The following RBPJ variants were observed in gnomAD, a reference collection of about 807,000 sequenced individuals.
The protein encoded by RBPJ is recombination signal binding protein for immunoglobulin kappa J region, also known as recombining binding protein suppressor of hairless.
In RBPJ, 9 loss-of-function variants were observed where a neutral mutation model predicts 67.8. That is an observed-to-expected ratio of 0.13 (90% CI 0.08 to 0.23). The LOEUF is 0.23. Among genes scored for constraint, RBPJ ranks in the 10% least tolerant of loss-of-function variants. The pLI, the probability that RBPJ is intolerant of heterozygous loss-of-function variation, is 1.00. For missense variants in RBPJ, 305 were observed against 595.6 expected (o/e 0.51, Z 5.08); for synonymous variants, 198 against 203.3 (o/e 0.97, Z 0.22).
intron 1 of RBPJ, among the ~76,000 whole-genome samples, chr4:26,337,376 C>T (rs1222358035): frequency 1.3e-5 from 2 of 152,084 alleles, no homozygotes; most frequent in Admixed American, 1.3e-4. Flanking sequence ...TCTGTTGGTC[C>T]TCCTTTCCTC....
At chr4:26,208,413 A>C (rs961724624) in intron 1 of RBPJ, among the ~76,000 whole-genome samples, 1 of 151,072 alleles carries the variant, frequency 6.6e-6, no homozygotes, top group African/African-American at 2.5e-5. Flanking sequence ...GCAGAAGAGA[A>C]GGCTGATCCA....
intron 2 of RBPJ, among the ~76,000 whole-genome samples, chr4:26,392,921 G>T (rs1322725710): frequency 6.6e-6 from 1 of 152,084 alleles, no homozygotes; most frequent in East Asian, 1.9e-4. Flanking sequence ...GGTAAGTTTT[G>T]TTTATTTTTT....
chr4:26,242,223 G>A (rs1182538172), intron 1 of RBPJ, among the ~76,000 whole-genome samples: 5 of 152,000 alleles, frequency 3.3e-5, no homozygotes, highest in East Asian at 1.9e-4. Context: ...CGAGGCGGGC[G>A]GATCACGAGG....
intron 1 of RBPJ, among the ~76,000 whole-genome samples, chr4:26,166,551 T>C (rs1426585787): frequency 6.6e-5 from 10 of 151,600 alleles, no homozygotes; most frequent in Non-Finnish European, 1.3e-4. Context: ...CTTTGCCCAC[T>C]TTTTGATGGG....
At chr4:26,239,623 ACATTTTCAGAGCAGT>A (rs975567477) in intron 1 of RBPJ, among the ~76,000 whole-genome samples, 2 of 152,134 alleles carry the variant, frequency 1.3e-5, no homozygotes, top group Admixed American at 1.3e-4. Context: ...ATCCCAGGAT[ACATTTTCAGAGCAGT>A]CATGGTGTAG....
the RBPJ span, among the ~76,000 whole-genome samples, chr4:26,121,744 C>T: frequency 6.6e-6 from 1 of 152,066 alleles, no homozygotes; most frequent in African/African-American, 2.4e-5. Context: ...AGTAATTTAA[C>T]AATAATCAAG....
At position 26,228,856 on chromosome 4, in the gene RBPJ, G is replaced by C. The variant is rs143592981; in HGVS notation, c.-167+65242G>C. On this transcript the variant is annotated intron_variant, in intron 1 of 4. Coordinates refer to the RBPJ transcript ENST00000512351. The stretch of plus-strand genomic sequence containing the variant: ...ACTTGGACCTGCAGAGCTTGGTACA[G>C]AAACTCTCTGTTACCTTTATGTTTT... Among the ~76,000 whole-genome samples the C allele has an allele frequency of 2.6e-4, 39 of 152,314 alleles. 1 individual carries two copies. The highest frequency in any genetic ancestry group is 1.9e-3 in the East Asian group (10 of 5,188).
intron 2 of RBPJ, among the ~76,000 whole-genome samples, chr4:26,402,681 T>C (rs1044061676): frequency 6.6e-6 from 1 of 152,226 alleles, no homozygotes; most frequent in Non-Finnish European, 1.5e-5. Flanking sequence ...CTTCCTCTTA[T>C]CAGTTCTCAG....
rs1215333991 is a variant in RBPJ, at chr4:26,434,460, T to G, written c.*3453T>G. 6.6e-6 allele frequency: 1 copy of G among 152,268 alleles called. No homozygotes were observed. The highest frequency in any genetic ancestry group is 2.4e-5 in the African/African-American group (1 of 41,472). The allele number at this position is 152,268 out of a possible 1,614,324, so 9.4% of individuals were successfully genotyped here. A position where few individuals can be genotyped will look rare whatever the true frequency, so the allele number is the denominator to read the frequency against. The stretch of plus-strand genomic sequence containing the variant: ...TTGATTGCAAAAGCAGCTGTGTTTC[T>G]GATAAGTACTGAACAAATGTGTGTA... On this transcript the variant is annotated 3_prime_UTR_variant, in exon 11 of 11. Coordinates refer to ENST00000355476, the MANE Select transcript of RBPJ (RefSeq NM_015874.6).
At chr4:26,362,153 A>T (rs964680363) in intron 1 of RBPJ, among the ~76,000 whole-genome samples, 1 of 152,204 alleles carries the variant, frequency 6.6e-6, no homozygotes, top group African/African-American at 2.4e-5. Flanking sequence ...AAGCAGACCT[A>T]GCACCTAGCA....
intron 1 of RBPJ, among the ~76,000 whole-genome samples, chr4:26,269,898 G>A: frequency 6.6e-6 from 1 of 152,120 alleles, no homozygotes; most frequent in Non-Finnish European, 1.5e-5. Flanking sequence ...CCAGGCCTCA[G>A]TAAAAAGCAA....
At chr4:26,155,094 T>C in the RBPJ span, among the ~76,000 whole-genome samples, 1 of 152,162 alleles carries the variant, frequency 6.6e-6, no homozygotes, top group African/African-American at 2.4e-5. Flanking sequence ...TGTAAACAAC[T>C]TCAAATACTC....
At chr4:26,324,401 AGTGTGTGTGTGT>A (rs56655194) in intron 1 of RBPJ, among the ~76,000 whole-genome samples, 1 of 149,972 alleles carries the variant, frequency 6.7e-6, no homozygotes, top group Non-Finnish European at 1.5e-5. Flanking sequence ...GTCGTGTGTG[AGTGTGTGTGTGT>A]GTGTGTGTGT....
intron 1 of RBPJ, among the ~76,000 whole-genome samples, chr4:26,331,548 C>T (rs1724262122): frequency 2.0e-5 from 3 of 152,276 alleles, no homozygotes; most frequent in South Asian, 4.1e-4. Context: ...GTGCGGCGGC[C>T]AGTGTTGCTT....
upstream of RBPJ, chr4:26,320,554 T>C (rs1722907342): frequency 1.9e-6 from 1 of 527,456 alleles, no homozygotes; most frequent in African/African-American, 2.0e-5. Context: ...GGGAAGCCGC[T>C]TGGAAAACAC....
rs57313295 is a variant in RBPJ at position 26,333,712 on chromosome 4, T to C, written c.20+12664T>C. ...GCTTAATTTTATTTATTTCTTGGGATAGGATCTTACTGTGTCACCCAGGCT... is the reference window on the plus strand; with the variant it reads ...GCTTAATTTTATTTATTTCTTGGGACAGGATCTTACTGTGTCACCCAGGCT... On this transcript the variant is annotated intron_variant, in intron 1 of 10. Transcript: ENST00000355476. Among the ~76,000 whole-genome samples, 948 of 152,200 alleles carry C rather than the reference T, an allele frequency of 6.2e-3. 10 individuals are homozygous for C. The highest frequency in any genetic ancestry group is 0.022 in the African/African-American group (907 of 41,514).
At chr4:26,200,386 T>C (rs1440811752) in intron 1 of RBPJ, among the ~76,000 whole-genome samples, 3 of 152,060 alleles carry the variant, frequency 2.0e-5, no homozygotes, top group Non-Finnish European at 4.4e-5. Flanking sequence ...CAAGCAATCA[T>C]GGCCAGATAC....
chr4:26,418,014 C>G (rs1734761123), intron 4 of RBPJ, among the ~76,000 whole-genome samples: 1 of 152,144 alleles, frequency 6.6e-6, no homozygotes, highest in African/African-American at 2.4e-5. Flanking sequence ...TTTTTATAGT[C>G]ACAGCTAGGT....
chr4:26,166,058 T>C (rs527804401), intron 1 of RBPJ, among the ~76,000 whole-genome samples: 1 of 150,660 alleles, frequency 6.6e-6, no homozygotes, highest in Non-Finnish European at 1.5e-5. Context: ...CATCATTTTT[T>C]ATGGCTGCAT....
Sources: gnomAD v4.1 joint callset for allele counts (sites outside exome capture counted in the v4.1 genomes callset) on GRCh38, gnomAD v4.1.1 for gene constraint, MANE v1.5 for transcripts, NCBI Gene and HGNC (gene_info 2026-07-23, HGNC 2026-07-21) for gene names.